FAM13A: variants seen among roughly 807,000 people sequenced by gnomAD.
FAM13A encodes the protein family with sequence similarity 13 member A, also known as protein FAM13A.
FAM13A carries 76 observed loss-of-function variants against 129.6 expected under a neutral mutation model. The observed-to-expected ratio is 0.59, with a 90% CI of 0.49 to 0.71. The LOEUF is 0.71. Among genes scored for constraint, FAM13A ranks in the 30% least tolerant of loss-of-function variants. The probability of loss-of-function intolerance (pLI) is 0.00; values close to 1 mark genes in which losing one functional copy is unlikely to be tolerated. For missense variants in FAM13A, 1,108 were observed against 1,249.3 expected (o/e 0.89, Z 1.70); for synonymous variants, 443 against 449.9 (o/e 0.98, Z 0.20).
intron 7 of FAM13A, among the ~76,000 whole-genome samples, chr4:88,837,628 G>A (rs867468102): frequency 2.1e-5 from 3 of 143,534 alleles, no homozygotes; most frequent in Non-Finnish European, 1.5e-5. Flanking sequence ...TGAGGCAGGA[G>A]AATCGCTTGA....
chr4:88,873,482 A>G (rs965720998), intron 6 of FAM13A, among the ~76,000 whole-genome samples: 8 of 152,342 alleles, frequency 5.3e-5, no homozygotes, highest in African/African-American at 1.9e-4. Context: ...CCACAGAAAT[A>G]CAAACTACCA....
At chr4:88,952,870 C>T (rs1042326445) in intron 4 of FAM13A, among the ~76,000 whole-genome samples, 6 of 152,074 alleles carry the variant, frequency 3.9e-5, no homozygotes, top group Non-Finnish European at 7.4e-5. Flanking sequence ...ATCGCTTAAA[C>T]CTGGGAGGCA....
At chr4:89,055,405 G>T (rs1053311617) in intron 1 of FAM13A, among the ~76,000 whole-genome samples, 2 of 152,102 alleles carry the variant, frequency 1.3e-5, no homozygotes, top group Non-Finnish European at 2.9e-5. Flanking sequence ...CTCTTACACT[G>T]TGTGATTTTT....
chr4:88,729,061 T>G (rs1368420616), intron 23 of FAM13A: 1 of 106,896 alleles, frequency 9.4e-6, no homozygotes, highest in Non-Finnish European at 1.9e-5. Context: ...ACAACTTAGT[T>G]TTTTTTTTTT....
At chr4:88,867,202 T>G (rs2150061318) in intron 6 of FAM13A, among the ~76,000 whole-genome samples, 1 of 152,278 alleles carries the variant, frequency 6.6e-6, no homozygotes, top group East Asian at 1.9e-4. Context: ...TACTTGTTGG[T>G]TTATTAACAC....
At chr4:89,051,723 G>A (rs1428229871) in intron 1 of FAM13A, among the ~76,000 whole-genome samples, 1 of 152,140 alleles carries the variant, frequency 6.6e-6, no homozygotes. Flanking sequence ...ACAAAGGTGG[G>A]TCAGGCATAG....
At chr4:88,906,201 C>T (rs1748132438) in intron 6 of FAM13A, among the ~76,000 whole-genome samples, 178 bp downstream of exon 6, 1 of 152,144 alleles carries the variant, frequency 6.6e-6, no homozygotes, top group Non-Finnish European at 1.5e-5. Context: ...TGCAGGAGAA[C>T]TGCCTGAACC....
chr4:88,857,702 CA>C (rs1353975789), intron 6 of FAM13A, among the ~76,000 whole-genome samples: 2 of 151,764 alleles, frequency 1.3e-5, no homozygotes, highest in Non-Finnish European at 2.9e-5. Flanking sequence ...CAGTGTGGCC[CA>C]AGCAAGTAAC....
chr4:88,986,500 A>C (rs1467100729), intron 4 of FAM13A, among the ~76,000 whole-genome samples: 1 of 152,244 alleles, frequency 6.6e-6, no homozygotes, highest in East Asian at 1.9e-4. Flanking sequence ...AAAGGAAAAG[A>C]AGCTCTGCAT....
At chr4:88,755,512 T>C (rs1560903384) in intron 14 of FAM13A, among the ~76,000 whole-genome samples, 1 of 152,168 alleles carries the variant, frequency 6.6e-6, no homozygotes, top group Non-Finnish European at 1.5e-5. Flanking sequence ...AGAGCCAGGA[T>C]TTGAACCCAG....
At chr4:89,050,067 T>C (rs996191130) in intron 1 of FAM13A, among the ~76,000 whole-genome samples, 7 of 152,220 alleles carry the variant, frequency 4.6e-5, no homozygotes, top group African/African-American at 1.7e-4. Context: ...GAACAGATGG[T>C]CAGATATTAC....
chr4:88,916,798 T>A (rs1183947727), intron 5 of FAM13A, among the ~76,000 whole-genome samples: 1 of 152,182 alleles, frequency 6.6e-6, no homozygotes, highest in Non-Finnish European at 1.5e-5. Context: ...TCATACACAG[T>A]ACCATTAATT....
At chr4:88,859,185 A>G (rs1220336048) in intron 6 of FAM13A, among the ~76,000 whole-genome samples, 2 of 152,216 alleles carry the variant, frequency 1.3e-5, no homozygotes, top group Non-Finnish European at 2.9e-5. Context: ...AGAGGGCTGA[A>G]GAGTCAAAGG....
chr4:88,969,657 G>A (rs1223217575), intron 4 of FAM13A, among the ~76,000 whole-genome samples: 3 of 152,084 alleles, frequency 2.0e-5, no homozygotes, highest in East Asian at 1.9e-4. Context: ...CAAAACAAAA[G>A]GTAACATTTA....
At chr4:88,913,556 G>A (rs1236750960) in intron 5 of FAM13A, among the ~76,000 whole-genome samples, 2 of 151,938 alleles carry the variant, frequency 1.3e-5, no homozygotes, top group East Asian at 3.9e-4. Flanking sequence ...AGGAAGAGGA[G>A]GAGGAGGAAG....
chr4:88,838,025 T>C (rs1735122986), intron 7 of FAM13A, among the ~76,000 whole-genome samples: 1 of 152,204 alleles, frequency 6.6e-6, no homozygotes, highest in Non-Finnish European at 1.5e-5. Flanking sequence ...CCCTAAACAA[T>C]ATAACTCTTT....
At chr4:88,792,426 A>T (rs1725361453) in intron 8 of FAM13A, among the ~76,000 whole-genome samples, 1 of 152,064 alleles carries the variant, frequency 6.6e-6, no homozygotes, top group South Asian at 2.1e-4. Context: ...CTTTGCTTTT[A>T]ATTACAACAA....
chr4:88,796,211 T>C (rs1440563938), intron 8 of FAM13A, among the ~76,000 whole-genome samples: 1 of 151,880 alleles, frequency 6.6e-6, no homozygotes, highest in Non-Finnish European at 1.5e-5. Context: ...TTCTTTATTT[T>C]CTTAACAGTA....
chr4:89,038,325 C>CA (rs1182391511), intron 1 of FAM13A, among the ~76,000 whole-genome samples: 4 of 152,094 alleles, frequency 2.6e-5, no homozygotes, highest in African/African-American at 9.7e-5. Flanking sequence ...CCATGTGCTC[C>CA]AAGACTCTTT....
Sources: gnomAD v4.1 joint callset for allele counts (sites outside exome capture counted in the v4.1 genomes callset) on GRCh38, gnomAD v4.1.1 for gene constraint, MANE v1.5 for transcripts, NCBI Gene and HGNC (gene_info 2026-07-23, HGNC 2026-07-21) for gene names.